The following AP3B1 variants were observed in gnomAD, a reference collection of about 807,000 sequenced individuals.
AP3B1 encodes AP-3 complex subunit beta-1.
AP3B1 carries 61 observed loss-of-function variants against 132.5 expected under a neutral mutation model. The ratio of observed to expected loss-of-function variants is 0.46; its 90% CI spans 0.37 to 0.57. AP3B1 has a LOEUF of 0.57. Ranked by LOEUF, AP3B1 falls within the 20% of genes least tolerant of loss-of-function variation. The pLI, the probability that AP3B1 is intolerant of heterozygous loss-of-function variation, is 0.00. For synonymous variants in AP3B1, 388 were observed against 438.3 expected, an observed-to-expected ratio of 0.89 and a Z score of 1.43; for missense variants, 1,120 against 1,289.4, an observed-to-expected ratio of 0.87 and a Z score of 2.01.
chr5:78,018,790 G>A (rs1746967928), intron 25 of AP3B1, among the ~76,000 whole-genome samples: 1 of 151,790 alleles, frequency 6.6e-6, no homozygotes, highest in African/African-American at 2.4e-5. Flanking sequence ...AGGCTTTTCC[G>A]TTAGTGAGAG....
chr5:78,244,439 C>G (rs1219352053), intron 2 of AP3B1, among the ~76,000 whole-genome samples: 1 of 151,780 alleles, frequency 6.6e-6, no homozygotes, highest in Non-Finnish European at 1.5e-5. Context: ...AGAAGAAGGA[C>G]TACAAATGAC....
At chr5:78,144,641 GGTGGGTAA>G (rs1753306591) in intron 14 of AP3B1, among the ~76,000 whole-genome samples, 1 of 152,144 alleles carries the variant, frequency 6.6e-6, no homozygotes, top group Non-Finnish European at 1.5e-5. Flanking sequence ...CCAGAGAAAG[GGTGGGTAA>G]CTTGTGAAAT....
At chr5:78,119,533 T>A (rs1044767390) in intron 17 of AP3B1, among the ~76,000 whole-genome samples, 1 of 152,014 alleles carries the variant, frequency 6.6e-6, no homozygotes, top group African/African-American at 2.4e-5. Context: ...TCGAGAACTA[T>A]GTGAAGAACG....
At chr5:78,013,327 A>G (rs1377956933) in intron 26 of AP3B1, among the ~76,000 whole-genome samples, 1 of 152,164 alleles carries the variant, frequency 6.6e-6, no homozygotes, top group East Asian at 1.9e-4. Flanking sequence ...TGACAGATGT[A>G]AGCCACCTTG....
intron 17 of AP3B1, among the ~76,000 whole-genome samples, chr5:78,116,662 G>A (rs1328367152): frequency 6.6e-6 from 1 of 151,252 alleles, no homozygotes. Context: ...GCAATAAATT[G>A]CCCTAACCAT....
intron 23 of AP3B1, among the ~76,000 whole-genome samples, chr5:78,036,943 TACATACAA>T (rs1325745534): frequency 6.6e-6 from 1 of 152,134 alleles, no homozygotes; most frequent in Non-Finnish European, 1.5e-5. Context: ...CAGGTGGTGT[TACATACAA>T]GTACATACTG....
chr5:78,132,134 T>C (rs1385131345), intron 15 of AP3B1, among the ~76,000 whole-genome samples: 1 of 152,208 alleles, frequency 6.6e-6, no homozygotes. Context: ...TGTATACTAA[T>C]ATCAGTAAAT....
intron 7 of AP3B1, among the ~76,000 whole-genome samples, chr5:78,212,170 C>T (rs1222913285): frequency 1.3e-5 from 2 of 152,156 alleles, no homozygotes; most frequent in African/African-American, 4.8e-5. Flanking sequence ...ATTCCACCTA[C>T]TTGGGAGGTT....
chr5:78,095,453 T>C (rs1395495235), intron 21 of AP3B1, among the ~76,000 whole-genome samples: 2 of 152,202 alleles, frequency 1.3e-5, no homozygotes, highest in Non-Finnish European at 1.5e-5. Context: ...CCATGGGCAA[T>C]GGAGAACCAT....
chr5:78,227,360 C>T lies in AP3B1; in HGVS notation c.536+12G>A, dbSNP rs778672172. The T allele has an allele frequency of 8.7e-6, 14 of 1,611,896 alleles. No homozygotes were observed. The highest frequency in any genetic ancestry group is 1.3e-5 in the African/African-American group (1 of 74,854). Reference sequence around the variant, plus strand: ...TCAGAGATCTTTGGTATATTGTTAACAATGCACCTACCTGTATAATTTTTG... The same window carrying T: ...TCAGAGATCTTTGGTATATTGTTAATAATGCACCTACCTGTATAATTTTTG... On this transcript the variant is annotated intron_variant, in intron 5 of 26. Coordinates refer to ENST00000255194, the MANE Select transcript of AP3B1 (RefSeq NM_003664.5).
Position 78,113,949 on chromosome 5 carries a change from A to G in AP3B1, c.2078-26T>C, listed in dbSNP as rs150963995. ...CTGAAAAACAGAACCAGATGTTCTT[A>G]GATTTATAGTCATTTAATTAGACAC... On this transcript the variant is annotated intron_variant, in intron 18 of 26. Transcript: ENST00000255194. The G allele has an allele frequency of 1.4e-4, 219 of 1,610,584 alleles. No individual in the cohort carries two copies. In the African/African-American group the frequency reaches 2.7e-3, roughly 20 times the overall value.
At chr5:78,270,947 G>T (rs1224885210) in intron 1 of AP3B1, among the ~76,000 whole-genome samples, 3 of 152,090 alleles carry the variant, frequency 2.0e-5, no homozygotes, top group Non-Finnish European at 4.4e-5. Flanking sequence ...AAAAACCCTT[G>T]CCCTCATAGG....
At chr5:78,253,733 G>A (rs1331917320) in intron 2 of AP3B1, among the ~76,000 whole-genome samples, 1 of 152,106 alleles carries the variant, frequency 6.6e-6, no homozygotes, top group African/African-American at 2.4e-5. Flanking sequence ...TTGGGAGGCT[G>A]AGGTAGACGG....
At chr5:78,201,969 G>A (rs1275196383) in intron 7 of AP3B1, among the ~76,000 whole-genome samples, 1 of 152,142 alleles carries the variant, frequency 6.6e-6, no homozygotes, top group Non-Finnish European at 1.5e-5. Context: ...TGGTTTGGCT[G>A]TGCCCCCACC....
In AP3B1 at chr5:78,081,671, C is replaced by CA. The variant is rs200815332; in HGVS notation, c.2577+7721dup. 6.6e-3 allele frequency among the ~76,000 whole-genome samples: 1,003 copies of CA among 151,978 alleles called. 14 individuals are homozygous for CA. Among genetic ancestry groups the CA allele is most frequent in the African/African-American group, 0.023 (935 of 41,460 alleles). On this transcript the variant is annotated intron_variant, in intron 22 of 26. Transcript: ENST00000255194. ...TTGTATTAAAGAGGTATATAGGAAA[C>CA]AAAAAAAGTTTGTTATTAAGGAATA...
At chr5:78,222,452 T>G (rs1274046318) in intron 6 of AP3B1, 1 of 152,406 alleles carries the variant, frequency 6.6e-6, no homozygotes, top group Non-Finnish European at 1.5e-5. Context: ...GGGTGAAGTC[T>G]TGGCCTTTTT....
At chr5:78,193,766 A>ATTT (rs1379149753) in intron 7 of AP3B1, among the ~76,000 whole-genome samples, 8 of 98,308 alleles carry the variant, frequency 8.1e-5, no homozygotes, top group African/African-American at 1.5e-4. Context: ...ATATATATAT[A>ATTT]TATATTTTTT....
chr5:78,086,102 A>G (rs1219620896), intron 22 of AP3B1, among the ~76,000 whole-genome samples: 3 of 152,078 alleles, frequency 2.0e-5, no homozygotes, highest in African/African-American at 7.2e-5. Flanking sequence ...CATGATCACA[A>G]TTTTTATAGC....
chr5:78,179,963 C>G (rs898344803), intron 8 of AP3B1, among the ~76,000 whole-genome samples: 2 of 152,106 alleles, frequency 1.3e-5, no homozygotes, highest in African/African-American at 2.4e-5. Context: ...ATTTGTTTCA[C>G]TATTTGAAAA....
Sources: allele counts gnomAD v4.1 joint callset (sites outside exome capture counted in the v4.1 genomes callset), GRCh38; gene constraint gnomAD v4.1.1; transcripts MANE v1.5; gene names NCBI Gene and HGNC (gene_info 2026-07-23, HGNC 2026-07-21).